The following WDR70 variants were observed in gnomAD, a reference collection of about 807,000 sequenced individuals.
WDR70 encodes WD repeat domain 70.
WDR70 carries 53 observed loss-of-function variants against 88.6 expected under a neutral mutation model. The observed-to-expected ratio is 0.60, with a 90% CI of 0.48 to 0.75. WDR70 has a LOEUF of 0.75. Ranked by LOEUF, WDR70 falls within the 30% of genes least tolerant of loss-of-function variation. WDR70 has a pLI of 0.00. For synonymous variants in WDR70, 280 were observed against 270.0 expected, an observed-to-expected ratio of 1.04 and a Z score of -0.36; for missense variants, 610 against 823.2, an observed-to-expected ratio of 0.74 and a Z score of 3.17.
intron 10 of WDR70, among the ~76,000 whole-genome samples, chr5:37,648,479 A>T (rs1464481961): frequency 1.3e-5 from 2 of 151,968 alleles, no homozygotes; most frequent in Non-Finnish European, 2.9e-5. Context: ...CTACTTAATA[A>T]CTTTTAAAAA....
intron 9 of WDR70, among the ~76,000 whole-genome samples, chr5:37,528,537 G>T (rs1378124236): frequency 1.3e-5 from 2 of 152,102 alleles, no homozygotes; most frequent in Non-Finnish European, 2.9e-5. Flanking sequence ...TAAATGATGA[G>T]TTAATGGGTG....
intron 9 of WDR70, among the ~76,000 whole-genome samples, chr5:37,604,056 A>T (rs1043956792): frequency 6.6e-6 from 1 of 152,174 alleles, no homozygotes; most frequent in Non-Finnish European, 1.5e-5. Flanking sequence ...AGATCTAAAC[A>T]TTTTTTAAAA....
At chr5:37,588,468 C>T (rs767223258) in intron 9 of WDR70, among the ~76,000 whole-genome samples, 2 of 152,094 alleles carry the variant, frequency 1.3e-5, no homozygotes, top group African/African-American at 2.4e-5. Flanking sequence ...CATAATAGAA[C>T]GTATATCTGA....
chr5:37,473,373 C>T (rs1420998533), intron 7 of WDR70, among the ~76,000 whole-genome samples: 7 of 134,902 alleles, frequency 5.2e-5, no homozygotes, highest in East Asian at 2.1e-4. Flanking sequence ...GACTGAGTTT[C>T]GCTCTTGTTG....
chr5:37,732,842 TGTG>T (rs1182261005), intron 17 of WDR70, among the ~76,000 whole-genome samples: 7 of 152,108 alleles, frequency 4.6e-5, no homozygotes, highest in Non-Finnish European at 7.4e-5. Context: ...TTTATTTTAA[TGTG>T]GTGAGATTTA....
intron 10 of WDR70, among the ~76,000 whole-genome samples, chr5:37,694,393 G>A (rs1746914895): frequency 6.6e-6 from 1 of 152,160 alleles, no homozygotes; most frequent in African/African-American, 2.4e-5. Context: ...AGAGACACGT[G>A]CTCACGTATG....
chr5:37,636,088 T>C lies in WDR70; in HGVS notation c.1092+30850T>C, dbSNP rs527630721. ...TTTATAAATTACCCAGTCTCTGGTA[T>C]GTCTTTATTAGCCACATGAGAATGG... On this transcript the variant is annotated intron_variant, in intron 10 of 17. Coordinates refer to ENST00000265107, the MANE Select transcript of WDR70 (RefSeq NM_018034.4). Among the ~76,000 whole-genome samples, 9 of 152,308 alleles carry C rather than the reference T, an allele frequency of 5.9e-5. No homozygotes were observed. The South Asian group carries it at 1.7e-3, about 28-fold the overall frequency.
chr5:37,559,118 G>C (rs1742406583), intron 9 of WDR70, among the ~76,000 whole-genome samples: 1 of 151,906 alleles, frequency 6.6e-6, no homozygotes, highest in Non-Finnish European at 1.5e-5. Flanking sequence ...ATTTTTAATA[G>C]AGACAGGGTT....
Position 37,498,660 on chromosome 5 carries a change from T to G in WDR70, c.841-17854T>G, listed in dbSNP as rs144275907. Among the ~76,000 whole-genome samples, 374 of 152,334 alleles carry G rather than the reference T, an allele frequency of 2.5e-3. 4 individuals carry two copies. The highest frequency in any genetic ancestry group is 0.01 in the Middle Eastern group (3 of 294). ...GCAGTTGGTTGTCTTTATTTCTCAG[T>G]AAATGGCATTGCCATTCACCAGTTG... On this transcript the variant is annotated intron_variant, in intron 8 of 17. Coordinates refer to ENST00000265107, the MANE Select transcript of WDR70 (RefSeq NM_018034.4).
chr5:37,493,087 G>A (rs984859949), intron 8 of WDR70, among the ~76,000 whole-genome samples: 2 of 152,096 alleles, frequency 1.3e-5, no homozygotes, highest in Non-Finnish European at 2.9e-5. Context: ...GCAAAGATTT[G>A]TGGGTTTGGC....
chr5:37,446,087 A>G (rs1738468246), intron 7 of WDR70, among the ~76,000 whole-genome samples: 1 of 152,228 alleles, frequency 6.6e-6, no homozygotes, highest in African/African-American at 2.4e-5. Context: ...CAACTTCAGC[A>G]AAGTCTCAGG....
intron 7 of WDR70, among the ~76,000 whole-genome samples, chr5:37,457,104 C>G (rs1162213702): frequency 1.3e-5 from 2 of 151,060 alleles, no homozygotes; most frequent in Non-Finnish European, 3.0e-5. Context: ...TTGATAATGT[C>G]TTTTTTTTTG....
At chr5:37,621,833 G>A (rs1744512587) in intron 10 of WDR70, among the ~76,000 whole-genome samples, 2 of 152,092 alleles carry the variant, frequency 1.3e-5, no homozygotes, top group Non-Finnish European at 1.5e-5. Flanking sequence ...TATTGCCTAG[G>A]TTTTCTTCTA....
intron 17 of WDR70, 127 bp from the exon 18 acceptor site, chr5:37,752,359 T>G: frequency 1.6e-6 from 1 of 630,768 alleles, no homozygotes; most frequent in Non-Finnish European, 2.8e-6. Context: ...GTTTAATGAT[T>G]TATATTTAAT....
intron 8 of WDR70, among the ~76,000 whole-genome samples, chr5:37,494,467 G>A (rs759123904): frequency 5.9e-5 from 9 of 152,096 alleles, no homozygotes; most frequent in Non-Finnish European, 8.8e-5. Context: ...GGGGGAGAAC[G>A]GGGGAGGTTA....
rs373785223 is a variant in WDR70, at chr5:37,725,019, G to A, written c.1683G>A (p.Ser561=). ...AGGACAGACTGGATCCCCTGAAGTC[G>A]CATAAACCTGAACCTCCTGTAGCAG... is the stretch of plus-strand genomic sequence containing the variant. ...LEKDRLDPLK[S]HKPEPPVAGP... is the part of the protein sequence containing the mutation. The change falls in exon 16 of 18, where the codon TCG becomes TCA. Residue 561 remains serine, a synonymous_variant. Transcript: ENST00000265107. 27 of 1,613,382 alleles carry A rather than the reference G, an allele frequency of 1.7e-5. No individual in the cohort carries two copies. In the East Asian group the frequency reaches 2.9e-4, roughly 17 times the overall value.
chr5:37,390,789 T>C (rs1295717688), intron 3 of WDR70, among the ~76,000 whole-genome samples: 1 of 150,696 alleles, frequency 6.6e-6, no homozygotes, highest in East Asian at 1.9e-4. Flanking sequence ...CAATCTTGGC[T>C]CACCACAACC....
chr5:37,598,990 G>A (rs375405572), intron 9 of WDR70, among the ~76,000 whole-genome samples: 11 of 152,238 alleles, frequency 7.2e-5, no homozygotes, highest in Non-Finnish European at 1.3e-4. Context: ...GGCATCTGCC[G>A]CATAAATGCA....
intron 7 of WDR70, among the ~76,000 whole-genome samples, chr5:37,463,416 T>C (rs1739070395): frequency 6.6e-6 from 1 of 152,146 alleles, no homozygotes; most frequent in Non-Finnish European, 1.5e-5. Context: ...ACACCTTGGC[T>C]CCTGAGCCCC....
Sources: allele counts gnomAD v4.1 joint callset (sites outside exome capture counted in the v4.1 genomes callset), GRCh38; gene constraint gnomAD v4.1.1; transcripts MANE v1.5; gene names NCBI Gene and HGNC (gene_info 2026-07-23, HGNC 2026-07-21).